The following PCOLCE2 variants were observed in gnomAD, a reference collection of about 807,000 sequenced individuals.
The protein encoded by PCOLCE2 is procollagen C-proteinase enhancer 2.
PCOLCE2 carries 42 observed loss-of-function variants against 47.0 expected under a neutral mutation model. The ratio of observed to expected loss-of-function variants is 0.89; its 90% CI spans 0.70 to 1.16. The LOEUF is 1.16. PCOLCE2 is among the 50% of genes most tolerant of loss of function. PCOLCE2 has a pLI of 0.00. For missense variants in PCOLCE2, 500 were observed against 526.1 expected (o/e 0.95, Z 0.49); for synonymous variants, 169 against 191.7 (o/e 0.88, Z 0.98).
chr3:142,870,759 T>G (rs1282011641), intron 2 of PCOLCE2, among the ~76,000 whole-genome samples: 1 of 150,204 alleles, frequency 6.7e-6, no homozygotes. Flanking sequence ...AAAACCTAAG[T>G]CATGAGCAGC....
chr3:142,855,859 C>T (rs994354359), intron 2 of PCOLCE2, among the ~76,000 whole-genome samples: 16 of 152,188 alleles, frequency 1.1e-4, no homozygotes, highest in Non-Finnish European at 2.1e-4. Flanking sequence ...CCTCCCACTG[C>T]ACTGGACGGT....
intron 6 of PCOLCE2, among the ~76,000 whole-genome samples, chr3:142,823,841 T>C (rs9846406): frequency 0.34 from 52,275 of 152,068 alleles, 11,254 homozygotes; most frequent in African/African-American, 0.62. Context: ...TAAACCTGAG[T>C]TCAAAGATAG....
chr3:142,881,689 G>C (rs937982447), intron 2 of PCOLCE2, among the ~76,000 whole-genome samples: 9 of 152,006 alleles, frequency 5.9e-5, no homozygotes, highest in Non-Finnish European at 1.2e-4. Flanking sequence ...CACAGAAAAG[G>C]TACAATAAAA....
chr3:142,888,865 C>T lies in PCOLCE2; in HGVS notation c.32G>A (p.Cys11Tyr), dbSNP rs530947479. The T allele has an allele frequency of 1.9e-6, 3 of 1,547,880 alleles. No homozygotes were observed. The highest frequency in any genetic ancestry group is 2.8e-5 in the African/African-American group (2 of 70,696). Residue 11 changes from cysteine (C) to tyrosine (Y), a missense_variant, in exon 1 of 9, where the codon TGC becomes TAC. Coordinates refer to ENST00000295992, the MANE Select transcript of PCOLCE2 (RefSeq NM_013363.4). ...CTGGGTGGCGGCAGCCAGCAGCAGG[C>T]AGAGTGGCGCCCAGGCGTTCGCGCC... MRGANAWAPL[C>Y]LLLAAATQLS...
Position 142,818,248 on chromosome 3 carries a change from T to G in PCOLCE2, c.*87A>C. On this transcript the variant is annotated 3_prime_UTR_variant, in exon 9 of 9. Transcript: ENST00000295992. The stretch of plus-strand genomic sequence containing the variant: ...CGGAATCCTCTTTCAGAATATGTAA[T>G]TTTATAAGTATTTTTTTTTCTACTG... 1 of 1,268,468 alleles carries G rather than the reference T, an allele frequency of 7.9e-7. No homozygotes were observed. The highest frequency in any genetic ancestry group is 1.1e-6 in the Non-Finnish European group (1 of 886,686). The allele number at this position is 1,268,468 out of a possible 1,614,324, so 78.6% of individuals were successfully genotyped here.
intron 2 of PCOLCE2, among the ~76,000 whole-genome samples, chr3:142,885,528 G>A (rs531322101): frequency 1.3e-5 from 2 of 152,336 alleles, no homozygotes; most frequent in East Asian, 3.9e-4. Flanking sequence ...TGTCTGGAAT[G>A]GCTAAGCAGG....
chr3:142,854,556 T>C (rs1471204610), intron 2 of PCOLCE2, among the ~76,000 whole-genome samples: 1 of 152,224 alleles, frequency 6.6e-6, no homozygotes, highest in Non-Finnish European at 1.5e-5. Flanking sequence ...ATAAAACATA[T>C]TTTGATTGTA....
chr3:142,865,261 T>C (rs1933262559), intron 2 of PCOLCE2, among the ~76,000 whole-genome samples: 1 of 152,176 alleles, frequency 6.6e-6, no homozygotes, highest in Non-Finnish European at 1.5e-5. Context: ...TCTCTTCATG[T>C]GCTTATTGAC....
chr3:142,842,799 T>C lies in PCOLCE2; in HGVS notation c.573+125A>G. ...AAGAAATACCTGTGTCCAGGAACCT[T>C]CCTCTTCTTGTATCCCTTAGCTCTC... On this transcript the variant is annotated intron_variant, in intron 4 of 8. Transcript: ENST00000295992. The surrounding 1 kb of genome is among the most constrained non-coding windows in gnomAD (Gnocchi z 4.1). 1 of 896,136 alleles carries C rather than the reference T, an allele frequency of 1.1e-6. No homozygotes were observed. The highest frequency in any genetic ancestry group is 1.7e-5 in the South Asian group (1 of 59,586). The allele number at this position is 896,136 out of a possible 1,614,324, so 55.5% of individuals were successfully genotyped here. A position where few individuals can be genotyped will look rare whatever the true frequency, so the allele number is the denominator to read the frequency against.
chr3:142,881,719 T>C (rs1933625202), intron 2 of PCOLCE2, among the ~76,000 whole-genome samples: 1 of 152,184 alleles, frequency 6.6e-6, no homozygotes. Context: ...TATAATCTTA[T>C]GGCACCACTG....
chr3:142,827,199 C>A, intron 6 of PCOLCE2: 3 of 1,285,024 alleles, frequency 2.3e-6, no homozygotes, highest in Middle Eastern at 5.4e-4. Context: ...TCTGAGATGG[C>A]GGAGGGGATG....
chr3:142,838,623 G>T, intron 5 of PCOLCE2, 147 bp downstream of exon 5: 1 of 656,722 alleles, frequency 1.5e-6, no homozygotes, highest in South Asian at 2.2e-5. Flanking sequence ...TTTCTTTACA[G>T]CAGTGCGAGA....
chr3:142,838,075 C>T (rs988665126), intron 5 of PCOLCE2, among the ~76,000 whole-genome samples: 2 of 152,140 alleles, frequency 1.3e-5, no homozygotes, highest in African/African-American at 4.8e-5. Context: ...TTTCCCATTC[C>T]ACTCTGATGC....
intron 4 of PCOLCE2, 102 bp from the exon 5 acceptor site, chr3:142,839,008 T>C: frequency 1.1e-6 from 1 of 903,902 alleles, no homozygotes; most frequent in Non-Finnish European, 1.7e-6. Flanking sequence ...ACTACGATTT[T>C]CCTTTGTAAA....
At position 142,854,212 on chromosome 3, in the gene PCOLCE2, A is replaced by AT. The variant is rs961495247; in HGVS notation, c.193-5741dup. 6.1e-5 allele frequency among the ~76,000 whole-genome samples: 9 copies of AT among 147,062 alleles called. No homozygotes were observed. In the South Asian group the frequency reaches 6.4e-4, roughly 11 times the overall value. ...AAAAGAACTGTTTTTGCAGCACGTG[A>AT]TTTTTTTTTAAGCCATCATTCTAAT... On this transcript the variant is annotated intron_variant, in intron 2 of 8. Transcript: ENST00000295992.
intron 6 of PCOLCE2, 21 bp downstream of exon 6, chr3:142,829,671 C>T: frequency 6.5e-7 from 1 of 1,546,294 alleles, no homozygotes; most frequent in Admixed American, 2.0e-5. Context: ...TTTGCACAAA[C>T]TTCCAAACAG....
At chr3:142,840,983 G>A (rs1937258329) in intron 4 of PCOLCE2, among the ~76,000 whole-genome samples, 1 of 151,390 alleles carries the variant, frequency 6.6e-6, no homozygotes, top group Non-Finnish European at 1.5e-5. Context: ...GCTGAGGCAG[G>A]AGAATGGACC....
At chr3:142,865,569 A>G (rs1933269049) in intron 2 of PCOLCE2, among the ~76,000 whole-genome samples, 1 of 152,206 alleles carries the variant, frequency 6.6e-6, no homozygotes, top group Non-Finnish European at 1.5e-5. Flanking sequence ...CTGGTTTCTC[A>G]CTTTAATTTC....
At chr3:142,873,153 G>A (rs1030242445) in intron 2 of PCOLCE2, among the ~76,000 whole-genome samples, 7 of 152,076 alleles carry the variant, frequency 4.6e-5, no homozygotes, top group African/African-American at 1.7e-4. Flanking sequence ...AGCACTTTGG[G>A]AGGCTGAGGC....
Sources: gnomAD v4.1 joint callset for allele counts (sites outside exome capture counted in the v4.1 genomes callset) on GRCh38, gnomAD v4.1.1 for gene constraint, Gnocchi (gnomAD v3.1) non-coding constraint, MANE v1.5 for transcripts, NCBI Gene and HGNC (gene_info 2026-07-23, HGNC 2026-07-21) for gene names.